The following VWA8 variants were observed in gnomAD, a reference collection of about 807,000 sequenced individuals.
VWA8 encodes von Willebrand factor A domain containing 8.
Under a neutral mutation model 241.5 loss-of-function variants are expected in VWA8, and 221 were observed. The observed-to-expected ratio is 0.91, with a 90% CI of 0.82 to 1.02. The LOEUF (loss-of-function observed/expected upper bound fraction) is 1.02. Ranked by LOEUF, VWA8 falls within the 50% of genes least tolerant of loss-of-function variation. The pLI is 0.00. For missense variants in VWA8, 2,322 were observed against 2,328.7 expected (o/e 1.00, Z 0.06); for synonymous variants, 852 against 827.1 (o/e 1.03, Z -0.52).
intron 9 of VWA8, among the ~76,000 whole-genome samples, chr13:41,871,070 C>T (rs935764538): frequency 6.6e-6 from 1 of 152,132 alleles, no homozygotes; most frequent in African/African-American, 2.4e-5. Context: ...TCTGTCTCAA[C>T]CCTGCATCCA....
At chr13:41,639,147 G>A (rs558032395) in intron 37 of VWA8, among the ~76,000 whole-genome samples, 12 of 146,358 alleles carry the variant, frequency 8.2e-5, no homozygotes, top group African/African-American at 3.0e-4. Flanking sequence ...TATGGAGATT[G>A]GGCTTAAAAG....
intron 1 of VWA8, among the ~76,000 whole-genome samples, chr13:41,950,356 T>C (rs893647267): frequency 2.7e-5 from 4 of 147,688 alleles, no homozygotes; most frequent in Non-Finnish European, 4.5e-5. Flanking sequence ...AAAGTATCCA[T>C]AGAGTAAAAT....
At chr13:41,576,526 T>C (rs1247452913) in intron 42 of VWA8, among the ~76,000 whole-genome samples, 3 of 152,192 alleles carry the variant, frequency 2.0e-5, no homozygotes, top group Non-Finnish European at 2.9e-5. Flanking sequence ...GAAATTGTTA[T>C]GCAAAAATAG....
At chr13:41,900,226 G>A (rs1334860997) in intron 4 of VWA8, among the ~76,000 whole-genome samples, 1 of 152,126 alleles carries the variant, frequency 6.6e-6, no homozygotes, top group Non-Finnish European at 1.5e-5. Context: ...TTTCTATACA[G>A]GTTGTAACAT....
intron 35 of VWA8, among the ~76,000 whole-genome samples, chr13:41,682,083 A>G (rs2045103479): frequency 6.6e-6 from 1 of 152,202 alleles, no homozygotes; most frequent in Non-Finnish European, 1.5e-5. Context: ...AAGTGGAAGA[A>G]TCTATACTAC....
intron 2 of VWA8, among the ~76,000 whole-genome samples, chr13:41,932,138 T>C (rs1877152980): frequency 6.6e-6 from 1 of 151,822 alleles, no homozygotes; most frequent in African/African-American, 2.4e-5. Context: ...AAAATACAGA[T>C]ACTTCAGATA....
chr13:41,569,082 A>G (rs1195039516), intron 44 of VWA8, among the ~76,000 whole-genome samples: 1 of 151,096 alleles, frequency 6.6e-6, no homozygotes, highest in Non-Finnish European at 1.5e-5. Flanking sequence ...TCACTGTGCC[A>G]GTGAAGTCTG....
chr13:41,619,217 T>C (rs1248639922), intron 37 of VWA8, among the ~76,000 whole-genome samples: 1 of 152,218 alleles, frequency 6.6e-6, no homozygotes, highest in African/African-American at 2.4e-5. Context: ...AGGTATTTTA[T>C]TCTCTTTGTA....
chr13:41,803,188 T>G (rs1444068669), intron 17 of VWA8, among the ~76,000 whole-genome samples: 1 of 152,234 alleles, frequency 6.6e-6, no homozygotes, highest in Non-Finnish European at 1.5e-5. Flanking sequence ...CTTGGAAATC[T>G]TTCCCAAGAA....
At chr13:41,758,310 A>G (rs1255117805) in intron 21 of VWA8, among the ~76,000 whole-genome samples, 2 of 146,608 alleles carry the variant, frequency 1.4e-5, no homozygotes, top group African/African-American at 2.5e-5. Context: ...TCCTAAATAT[A>G]TTCTTTATAC....
At chr13:41,882,115 C>T (rs1418339541) in intron 9 of VWA8, among the ~76,000 whole-genome samples, 1 of 151,012 alleles carries the variant, frequency 6.6e-6, no homozygotes, top group African/African-American at 2.4e-5. Context: ...ACGCTCCTCA[C>T]CTCCCAGACG....
chr13:41,869,436 C>T (rs768469271), intron 9 of VWA8, among the ~76,000 whole-genome samples: 9 of 151,828 alleles, frequency 5.9e-5, no homozygotes, highest in East Asian at 1.9e-4. Context: ...GAGTTCGACA[C>T]GAGCCTGGCC....
intron 2 of VWA8, among the ~76,000 whole-genome samples, chr13:41,940,483 A>G (rs1304563754): frequency 6.6e-6 from 1 of 152,148 alleles, no homozygotes; most frequent in Non-Finnish European, 1.5e-5. Context: ...ATAATCTCTA[A>G]TCAATCAAGC....
At position 41,617,230 on chromosome 13, in the gene VWA8, G is replaced by C. The variant is rs34604436; in HGVS notation, c.4612-2146C>G. Reference sequence around the variant, plus strand: ...ACCTTCCAGGTTCAAACAATTCTCCGGCCTCAGCCTCCCAAGTAGCTGGGA... The same window carrying C: ...ACCTTCCAGGTTCAAACAATTCTCCCGCCTCAGCCTCCCAAGTAGCTGGGA... On this transcript the variant is annotated intron_variant, in intron 37 of 44. Coordinates refer to ENST00000379310, the MANE Select transcript of VWA8 (RefSeq NM_015058.2). Among the ~76,000 whole-genome samples, 1,332 of 151,732 alleles carry C rather than the reference G, an allele frequency of 8.8e-3. 10 individuals are homozygous for C. Among genetic ancestry groups the C allele is most frequent in the African/African-American group, 0.018 (761 of 41,378 alleles).
chr13:41,880,219 T>A (rs1162634926), intron 9 of VWA8, among the ~76,000 whole-genome samples: 1 of 152,252 alleles, frequency 6.6e-6, no homozygotes, highest in Non-Finnish European at 1.5e-5. Flanking sequence ...AAATACTTGC[T>A]TTTCAAGTTA....
intron 38 of VWA8, among the ~76,000 whole-genome samples, chr13:41,612,031 T>A (rs554538687): frequency 9.2e-5 from 14 of 152,348 alleles, no homozygotes; most frequent in South Asian, 8.3e-4. Context: ...TCCTTTCATA[T>A]TTATTTTTCT....
chr13:41,925,240 CTGCCTT>C (rs1876775966), intron 2 of VWA8, among the ~76,000 whole-genome samples: 1 of 152,120 alleles, frequency 6.6e-6, no homozygotes, highest in Non-Finnish European at 1.5e-5. Context: ...ACCACTGGAC[CTGCCTT>C]ACAAGAAATG....
In VWA8 at chr13:41,580,657, A is replaced by C. The variant is rs576251236; in HGVS notation, c.5272-4819T>G. 2.6e-5 allele frequency among the ~76,000 whole-genome samples: 4 copies of C among 152,354 alleles called. No homozygotes were observed. The East Asian group carries it at 7.7e-4, about 29-fold the overall frequency. On this transcript the variant is annotated intron_variant, in intron 42 of 44. Coordinates refer to ENST00000379310, the MANE Select transcript of VWA8 (RefSeq NM_015058.2). ...ACTTGCTCCTGAATTACAGTTTAAA[A>C]AAATCAAATTGAACAGAGATAAAAC...
intron 14 of VWA8, among the ~76,000 whole-genome samples, chr13:41,824,106 T>G (rs1219023178): frequency 6.6e-6 from 1 of 152,200 alleles, no homozygotes; most frequent in African/African-American, 2.4e-5. Flanking sequence ...ACCAACTGGG[T>G]CTAGAAGCAA....
Sources: gnomAD v4.1 joint callset for allele counts (sites outside exome capture counted in the v4.1 genomes callset) on GRCh38, gnomAD v4.1.1 for gene constraint, MANE v1.5 for transcripts, NCBI Gene and HGNC (gene_info 2026-07-23, HGNC 2026-07-21) for gene names.